NKAIN3: variants seen among roughly 807,000 people sequenced by gnomAD.
The protein encoded by NKAIN3 is sodium/potassium transporting ATPase interacting 3, also known as sodium/potassium-transporting ATPase subunit beta-1-interacting protein 3.
Under a neutral mutation model 30.2 loss-of-function variants are expected in NKAIN3, and 25 were observed. The observed-to-expected ratio is 0.83, with a 90% CI of 0.60 to 1.16. The LOEUF (loss-of-function observed/expected upper bound fraction) is 1.16. Among genes scored for constraint, NKAIN3 ranks in the 50% most tolerant of loss-of-function variants. The pLI, the probability that NKAIN3 is intolerant of heterozygous loss-of-function variation, is 0.00. For missense variants in NKAIN3, 225 were observed against 254.1 expected (o/e 0.89, Z 0.78); for synonymous variants, 91 against 89.6 (o/e 1.02, Z -0.09).
At chr8:62,495,290 T>C (rs1011137954) in intron 1 of NKAIN3, among the ~76,000 whole-genome samples, 1 of 152,050 alleles carries the variant, frequency 6.6e-6, no homozygotes, top group African/African-American at 2.4e-5. Flanking sequence ...AGAGTATTGA[T>C]AAATAGTCAG....
At chr8:62,619,895 C>T (rs1325829163) in intron 3 of NKAIN3, among the ~76,000 whole-genome samples, 1 of 152,092 alleles carries the variant, frequency 6.6e-6, no homozygotes, top group Non-Finnish European at 1.5e-5. Context: ...TATCCTTGAA[C>T]AGAAAGAATA....
intron 4 of NKAIN3, chr8:62,856,961 C>CAAAAA: frequency 2.1e-6 from 1 of 471,522 alleles, no homozygotes; most frequent in Non-Finnish European, 4.1e-6. Flanking sequence ...GAGGCATCAA[C>CAAAAA]AAAAAAAAAA....
At chr8:62,639,932 C>G (rs141694289) in intron 3 of NKAIN3, among the ~76,000 whole-genome samples, 2,854 of 152,098 alleles carry the variant, frequency 0.019, 35 homozygotes, top group Middle Eastern at 0.058. Flanking sequence ...CACAAATGTA[C>G]CAGGAAATTA....
intron 1 of NKAIN3, among the ~76,000 whole-genome samples, chr8:62,318,971 T>C (rs1814768685): frequency 6.6e-6 from 1 of 152,118 alleles, no homozygotes; most frequent in South Asian, 2.1e-4. Context: ...CCTGGACTTT[T>C]TTTGGTTGGT....
At chr8:62,721,456 C>A (rs1545786) in intron 3 of NKAIN3, among the ~76,000 whole-genome samples, 121,470 of 152,074 alleles carry the variant, frequency 0.8, 49,115 homozygotes, top group Non-Finnish European at 0.87. Flanking sequence ...GCAACAGCTT[C>A]CTAGGCAAAC....
intron 1 of NKAIN3, among the ~76,000 whole-genome samples, chr8:62,249,859 G>A (rs1585595422): frequency 6.6e-6 from 1 of 152,280 alleles, no homozygotes; most frequent in East Asian, 1.9e-4. Flanking sequence ...AGAAACTAGA[G>A]TGGGGAAAAA....
chr8:62,638,893 G>A (rs1258213447), intron 3 of NKAIN3, among the ~76,000 whole-genome samples: 2 of 152,002 alleles, frequency 1.3e-5, no homozygotes, highest in African/African-American at 4.8e-5. Flanking sequence ...CCTCCCAAAG[G>A]CAATTCTGGC....
At position 62,594,306 on chromosome 8, in the gene NKAIN3, A is replaced by C. The variant is rs185064937; in HGVS notation, c.273+4512A>C. Among the ~76,000 whole-genome samples the C allele has an allele frequency of 2.2e-3, 334 of 152,128 alleles. 2 individuals are homozygous for C. The highest frequency in any genetic ancestry group is 3.4e-3 in the Middle Eastern group (1 of 294). Reference sequence around the variant, plus strand: ...GATACCACCTTATAGACAAGAATTAAATTGACATCTATGTTTTAGCAGTCC... The same window carrying C: ...GATACCACCTTATAGACAAGAATTACATTGACATCTATGTTTTAGCAGTCC... On this transcript the variant is annotated intron_variant, in intron 3 of 6. Transcript: ENST00000623646.
chr8:62,281,958 C>T (rs1813210467), intron 1 of NKAIN3, among the ~76,000 whole-genome samples: 1 of 151,472 alleles, frequency 6.6e-6, no homozygotes, highest in African/African-American at 2.4e-5. Context: ...CATGTCCTGT[C>T]ACTTCACCTA....
chr8:62,765,089 C>T (rs1166066574), intron 4 of NKAIN3, among the ~76,000 whole-genome samples: 1 of 151,160 alleles, frequency 6.6e-6, no homozygotes, highest in Non-Finnish European at 1.5e-5. Context: ...CTAAAGATAC[C>T]AAACAAAATT....
At chr8:62,637,246 C>G (rs924012293) in intron 3 of NKAIN3, among the ~76,000 whole-genome samples, 1 of 152,186 alleles carries the variant, frequency 6.6e-6, no homozygotes, top group Non-Finnish European at 1.5e-5. Context: ...TGAGGCTGCT[C>G]TGAGTTCCTA....
chr8:62,583,993 G>A (rs1210603561), intron 2 of NKAIN3, among the ~76,000 whole-genome samples: 4 of 152,034 alleles, frequency 2.6e-5, no homozygotes, highest in East Asian at 1.9e-4. Context: ...TTGGTTTGAA[G>A]CTACAACTGG....
chr8:62,443,453 G>A (rs1486501949), intron 1 of NKAIN3, among the ~76,000 whole-genome samples: 2 of 151,828 alleles, frequency 1.3e-5, no homozygotes, highest in African/African-American at 2.4e-5. Context: ...GCACAATCTC[G>A]GCTCACTGCA....
At chr8:62,327,489 T>A in intron 1 of NKAIN3, among the ~76,000 whole-genome samples, 1 of 152,094 alleles carries the variant, frequency 6.6e-6, no homozygotes, top group East Asian at 1.9e-4. Context: ...AGCTAATTTT[T>A]GTATATGGCA....
At chr8:62,278,186 G>A (rs16928640) in intron 1 of NKAIN3, among the ~76,000 whole-genome samples, 8,114 of 152,204 alleles carry the variant, frequency 0.053, 255 homozygotes, top group Admixed American at 0.086. Context: ...GAGAGCTGAA[G>A]AGACTCAGGT....
intron 5 of NKAIN3, among the ~76,000 whole-genome samples, chr8:62,944,013 G>T (rs1334830442): frequency 7.9e-5 from 12 of 152,012 alleles, no homozygotes; most frequent in Admixed American, 7.2e-4. Flanking sequence ...TAGGGGGAAG[G>T]GTGGGAGTGG....
chr8:62,913,949 G>A (rs1055885625), intron 4 of NKAIN3, among the ~76,000 whole-genome samples: 1 of 152,084 alleles, frequency 6.6e-6, no homozygotes, highest in East Asian at 1.9e-4. Flanking sequence ...TCCTCAAAGA[G>A]CAAAAAGCAG....
chr8:62,941,850 A>G (rs2130883679), intron 5 of NKAIN3, among the ~76,000 whole-genome samples: 1 of 152,204 alleles, frequency 6.6e-6, no homozygotes, highest in South Asian at 2.1e-4. Flanking sequence ...TGAGAACTGG[A>G]ACAAGACAAG....
rs181379307 is a variant in NKAIN3, at chr8:62,611,378, A to C, written c.273+21584A>C. ...ACTAGAGTCACCCTATTGTGCTATC[A>C]AGTACTAAGGTCTTAGTCATTCTTT... On this transcript the variant is annotated intron_variant, in intron 3 of 6. Transcript: ENST00000623646. Among the ~76,000 whole-genome samples the C allele has an allele frequency of 4.3e-3, 655 of 152,242 alleles. 2 individuals are homozygous for C. Among genetic ancestry groups the C allele is most frequent in the South Asian group, 0.012 (58 of 4,820 alleles).
Sources: allele counts gnomAD v4.1 joint callset (sites outside exome capture counted in the v4.1 genomes callset), GRCh38; gene constraint gnomAD v4.1.1; transcripts MANE v1.5; gene names NCBI Gene and HGNC (gene_info 2026-07-23, HGNC 2026-07-21).